TXK: variants seen among roughly 807,000 people sequenced by gnomAD.
TXK encodes the protein tyrosine-protein kinase TXK.
In TXK, 60 loss-of-function variants were observed where a neutral mutation model predicts 81.0. The observed-to-expected ratio is 0.74, with a 90% CI of 0.60 to 0.92. The LOEUF (loss-of-function observed/expected upper bound fraction) is 0.92. TXK is among the 40% of genes least tolerant of loss of function. The pLI, the probability that TXK is intolerant of heterozygous loss-of-function variation, is 0.00. For synonymous variants in TXK, 203 were observed against 210.7 expected (o/e 0.96, Z 0.32); for missense variants, 581 against 638.3 (o/e 0.91, Z 0.97).
At chr4:48,125,783 A>G (rs1345858986) in intron 1 of TXK, among the ~76,000 whole-genome samples, 1 of 152,244 alleles carries the variant, frequency 6.6e-6, no homozygotes, top group Non-Finnish European at 1.5e-5. Context: ...GAAACTGGCA[A>G]GTCCAAAATC....
At chr4:48,090,687 G>A (rs931321472) in intron 8 of TXK, among the ~76,000 whole-genome samples, 3 of 152,200 alleles carry the variant, frequency 2.0e-5, no homozygotes, top group African/African-American at 7.2e-5. Context: ...CAAGACTGAT[G>A]ATTCGGTCTT....
chr4:48,075,799 C>T (rs1358719058), intron 12 of TXK, among the ~76,000 whole-genome samples: 1 of 152,050 alleles, frequency 6.6e-6, no homozygotes, highest in East Asian at 1.9e-4. Context: ...ACCAGTAAGC[C>T]ACCTCACTAC....
chr4:48,116,703 A>G (rs1718822918), intron 1 of TXK, among the ~76,000 whole-genome samples: 1 of 152,084 alleles, frequency 6.6e-6, no homozygotes, highest in African/African-American at 2.4e-5. Context: ...AAATATCCTT[A>G]CTCCACTGTC....
chr4:48,086,136 G>C (rs1463453657), intron 10 of TXK, among the ~76,000 whole-genome samples: 1 of 152,238 alleles, frequency 6.6e-6, no homozygotes, highest in Non-Finnish European at 1.5e-5. Flanking sequence ...CAGCGGCTGA[G>C]TAAATGAGCC....
chr4:48,099,112 T>C (rs1469742102), intron 6 of TXK, among the ~76,000 whole-genome samples: 1 of 152,168 alleles, frequency 6.6e-6, no homozygotes, highest in Non-Finnish European at 1.5e-5. Flanking sequence ...TGGCTGCTGA[T>C]TGTATACTGG....
chr4:48,109,374 T>C (rs1718561755), intron 5 of TXK: 1 of 152,156 alleles, frequency 6.6e-6, no homozygotes, highest in South Asian at 2.1e-4. Context: ...CTTCTCTGTA[T>C]CATTCCAATT....
intron 1 of TXK, among the ~76,000 whole-genome samples, chr4:48,131,763 C>T (rs967002798): frequency 3.3e-4 from 50 of 152,126 alleles, no homozygotes; most frequent in African/African-American, 1.1e-3. Flanking sequence ...TATATATAAC[C>T]GAATCCTTCC....
At chr4:48,094,228 A>C in intron 7 of TXK, 24 bp from the exon 8 acceptor site, 1 of 1,610,570 alleles carries the variant, frequency 6.2e-7, no homozygotes, top group South Asian at 1.1e-5. Flanking sequence ...AATGTGAATT[A>C]CTAGAAATGT....
chr4:48,081,332 G>T (rs1426793773), intron 10 of TXK, among the ~76,000 whole-genome samples: 1 of 152,004 alleles, frequency 6.6e-6, no homozygotes, highest in Non-Finnish European at 1.5e-5. Flanking sequence ...AAATCTAACA[G>T]AAATAAGGCA....
intron 8 of TXK, among the ~76,000 whole-genome samples, chr4:48,093,790 T>C (rs2109433399): frequency 6.6e-6 from 1 of 152,310 alleles, no homozygotes; most frequent in South Asian, 2.1e-4. Flanking sequence ...CTATGTAAAT[T>C]TCCAGAACAA....
rs1477917165 is a variant in TXK at position 48,113,374 on chromosome 4, A to G, written c.72-65T>C. On this transcript the variant is annotated intron_variant, in intron 2 of 14. Transcript: ENST00000264316. ...TACAAAAGTTATCTATACATCCACT[A>G]GATTTTCACAGAAATAGCAGAAAAA... is the stretch of plus-strand genomic sequence containing the variant. The G allele has an allele frequency of 2.4e-6, 3 of 1,245,542 alleles. No individual in the cohort carries two copies. In the African/African-American group the frequency reaches 4.4e-5, roughly 18 times the overall value. 77.2% of individuals were successfully genotyped at this position (1,245,542 alleles called of 1,614,324 possible).
chr4:48,095,100 G>T, intron 7 of TXK, 43 bp downstream of exon 7: 1 of 1,425,236 alleles, frequency 7.0e-7, no homozygotes, highest in Non-Finnish European at 9.9e-7. Context: ...TGGAGACTGT[G>T]CCAGGGATTA....
At chr4:48,085,655 C>T (rs1211218031) in intron 10 of TXK, among the ~76,000 whole-genome samples, 1 of 149,136 alleles carries the variant, frequency 6.7e-6, no homozygotes, top group Non-Finnish European at 1.5e-5. Flanking sequence ...CCCATATAAA[C>T]CCCAAGCTCC....
chr4:48,111,256 T>A (rs1718625465), intron 4 of TXK, among the ~76,000 whole-genome samples: 1 of 152,200 alleles, frequency 6.6e-6, no homozygotes, highest in Admixed American at 6.5e-5. Context: ...GAAATAAAAG[T>A]AAGTTGCAGA....
intron 6 of TXK, among the ~76,000 whole-genome samples, chr4:48,097,944 T>C (rs778221735): frequency 4.0e-5 from 6 of 151,312 alleles, no homozygotes; most frequent in Non-Finnish European, 4.4e-5. Context: ...AGACGGGGTT[T>C]CACCGTGTTA....
intron 11 of TXK, among the ~76,000 whole-genome samples, chr4:48,078,048 GGGTAC>G (rs1220648148): frequency 1.3e-5 from 2 of 152,122 alleles, no homozygotes; most frequent in African/African-American, 4.8e-5. Context: ...AATTGGTCTG[GGGTAC>G]GGCCTGGCTA....
intron 1 of TXK, among the ~76,000 whole-genome samples, chr4:48,117,677 G>C (rs1560360971): frequency 6.6e-6 from 1 of 152,190 alleles, no homozygotes. Flanking sequence ...TGGTGAGAGA[G>C]GCTGCTCCAA....
Position 48,130,923 on chromosome 4 carries a change from C to T in TXK, c.16+3232G>A, listed in dbSNP as rs181505241. On this transcript the variant is annotated intron_variant, in intron 1 of 14. Transcript: ENST00000264316. ...AACAGCACCCCAGGCATGCTTCAGG[C>T]ACACCAAGACTTAGAAACCACTCTT... Among the ~76,000 whole-genome samples, 778 of 152,230 alleles carry T rather than the reference C, an allele frequency of 5.1e-3. 6 individuals are homozygous for T. The highest frequency in any genetic ancestry group is 7.5e-3 in the Non-Finnish European group (513 of 68,024).
intron 1 of TXK, among the ~76,000 whole-genome samples, chr4:48,114,818 GCT>G (rs1244735128): frequency 6.6e-6 from 1 of 152,014 alleles, no homozygotes; most frequent in African/African-American, 2.4e-5. Context: ...TAAAACATAG[GCT>G]CTTTTTAAAA....
Sources: allele counts gnomAD v4.1 joint callset (sites outside exome capture counted in the v4.1 genomes callset), GRCh38; gene constraint gnomAD v4.1.1; transcripts MANE v1.5; gene names NCBI Gene and HGNC (gene_info 2026-07-23, HGNC 2026-07-21).